The following CA13 variants were observed in gnomAD, a reference collection of about 807,000 sequenced individuals.
CA13 encodes the protein CA-XIII.
A neutral mutation model predicts 31.5 loss-of-function variants in CA13; 21 were observed. The ratio of observed to expected loss-of-function variants is 0.67; its 90% CI spans 0.47 to 0.96. The LOEUF (loss-of-function observed/expected upper bound fraction) is 0.96. CA13 is among the 40% of genes least tolerant of loss of function. The pLI is 0.00. For synonymous variants in CA13, 117 were observed against 111.4 expected, an observed-to-expected ratio of 1.05 and a Z score of -0.32; for missense variants, 315 against 318.9, an observed-to-expected ratio of 0.99 and a Z score of 0.09.
intron 6 of CA13, among the ~76,000 whole-genome samples, chr8:85,269,395 G>C (rs1201340919): frequency 6.6e-6 from 1 of 152,164 alleles, no homozygotes; most frequent in African/African-American, 2.4e-5. Context: ...ATGCTGCAGT[G>C]AGTCAGGATC....
At chr8:85,275,513 G>C (rs1411191592) in intron 6 of CA13, among the ~76,000 whole-genome samples, 4 of 152,140 alleles carry the variant, frequency 2.6e-5, no homozygotes, top group Non-Finnish European at 5.9e-5. Context: ...TCTACAAACA[G>C]GTTTTTTCCT....
chr8:85,267,782 T>C, intron 4 of CA13, 120 bp from the exon 5 acceptor site: 1 of 588,320 alleles, frequency 1.7e-6, no homozygotes, highest in Non-Finnish European at 3.0e-6. Flanking sequence ...GAACAATCAC[T>C]GTATGTTCTG....
rs139055535 is a variant in CA13 at position 85,278,397 on chromosome 8, G to T, written c.670-2833G>T. Reference sequence around the variant, plus strand: ...AAGTATTTTCATTCAGGTGCTTTGGGACCACCCCTCCCAAAACTGGCTTAG... The same window carrying T: ...AAGTATTTTCATTCAGGTGCTTTGGTACCACCCCTCCCAAAACTGGCTTAG... On this transcript the variant is annotated intron_variant, in intron 6 of 6. Transcript: ENST00000321764. 8.5e-5 allele frequency among the ~76,000 whole-genome samples: 13 copies of T among 152,154 alleles called. No individual in the cohort carries two copies. In the East Asian group the frequency reaches 2.5e-3, roughly 29 times the overall value.
At chr8:85,252,837 T>C (rs1179066151) in intron 2 of CA13, among the ~76,000 whole-genome samples, 1 of 152,232 alleles carries the variant, frequency 6.6e-6, no homozygotes, top group Admixed American at 6.5e-5. Flanking sequence ...TTTAGATTAG[T>C]AGTAATATCT....
intron 3 of CA13, among the ~76,000 whole-genome samples, chr8:85,261,558 C>T (rs1483303977): frequency 2.0e-5 from 3 of 151,964 alleles, no homozygotes; most frequent in Non-Finnish European, 4.4e-5. Flanking sequence ...ACCCGAGTAG[C>T]TGGGATTACA....
intron 6 of CA13, among the ~76,000 whole-genome samples, chr8:85,276,322 T>C (rs7826075): frequency 0.024 from 3,646 of 152,236 alleles, 151 homozygotes; most frequent in African/African-American, 0.083. Context: ...CTCCGTGGGC[T>C]CCTGTGCGGC....
intron 6 of CA13, among the ~76,000 whole-genome samples, chr8:85,271,822 A>G (rs961892777): frequency 3.3e-5 from 5 of 152,124 alleles, no homozygotes; most frequent in Non-Finnish European, 5.9e-5. Context: ...TAATCCTAGC[A>G]TTTTGGGAGG....
intron 6 of CA13, among the ~76,000 whole-genome samples, chr8:85,272,698 A>G (rs1807543217): frequency 6.6e-6 from 1 of 152,242 alleles, no homozygotes; most frequent in African/African-American, 2.4e-5. Context: ...ATATATGGAT[A>G]TTAGGAGTAA....
Position 85,283,521 on chromosome 8 carries a change from A to G in CA13, c.*2172A>G, listed in dbSNP as rs1807738656. Reference sequence around the variant, plus strand: ...TAAGTTAATATAACAAGTAAAATACATTGTCTTTTGAAAATAGTTTCTTTT... The same window carrying G: ...TAAGTTAATATAACAAGTAAAATACGTTGTCTTTTGAAAATAGTTTCTTTT... On this transcript the variant is annotated 3_prime_UTR_variant, in exon 7 of 7. Coordinates refer to ENST00000321764, the MANE Select transcript of CA13 (RefSeq NM_198584.3). The G allele has an allele frequency of 6.6e-6, 1 of 152,668 alleles. No individual in the cohort carries two copies. 9.5% of individuals were successfully genotyped at this position (152,668 alleles called of 1,614,324 possible). A position where few individuals can be genotyped will look rare whatever the true frequency, so the allele number is the denominator to read the frequency against.
chr8:85,264,401 C>A (rs1807427162), intron 3 of CA13, among the ~76,000 whole-genome samples: 1 of 151,928 alleles, frequency 6.6e-6, no homozygotes, highest in Admixed American at 6.6e-5. Flanking sequence ...CAGTTCAAAT[C>A]ACTGCTCTTG....
At chr8:85,266,431 G>A (rs981484410) in intron 3 of CA13, among the ~76,000 whole-genome samples, 177 bp from the exon 4 acceptor site, 15 of 152,184 alleles carry the variant, frequency 9.9e-5, no homozygotes, top group Non-Finnish European at 1.5e-4. Flanking sequence ...ATCCTTCACT[G>A]CATGAACTTT....
chr8:85,254,234 T>C (rs1807245560), intron 2 of CA13, among the ~76,000 whole-genome samples: 1 of 149,474 alleles, frequency 6.7e-6, no homozygotes, highest in Non-Finnish European at 1.5e-5. Context: ...GCCAAGATCA[T>C]GCCACTGCAC....
intron 3 of CA13, among the ~76,000 whole-genome samples, chr8:85,264,794 C>G (rs1469356442): frequency 6.6e-6 from 1 of 152,230 alleles, no homozygotes; most frequent in African/African-American, 2.4e-5. Flanking sequence ...ACATCCTTAT[C>G]AGCCCTTCCC....
At chr8:85,250,999 CT>C in intron 2 of CA13, 62 bp downstream of exon 2, 1 of 903,640 alleles carries the variant, frequency 1.1e-6, no homozygotes, top group Non-Finnish European at 1.6e-6. Flanking sequence ...TTAGACTATA[CT>C]CTTTTTTTTT....
intron 6 of CA13, among the ~76,000 whole-genome samples, chr8:85,271,767 TA>T (rs2129994702): frequency 1.3e-5 from 2 of 152,306 alleles, no homozygotes; most frequent in South Asian, 4.1e-4. Flanking sequence ...CTACAACTAC[TA>T]CAATCAAGAT....
chr8:85,275,414 C>T (rs1051138330), intron 6 of CA13, among the ~76,000 whole-genome samples: 2 of 152,142 alleles, frequency 1.3e-5, no homozygotes, highest in Non-Finnish European at 2.9e-5. Context: ...ATGTCTATCC[C>T]CTACCATGGC....
Position 85,268,502 on chromosome 8 carries a change from C to A in CA13, c.544C>A (p.Leu182Ile), listed in dbSNP as rs763944998. Residue 182 changes from leucine to isoleucine, a missense_variant, in exon 6 of 7, where the codon CTA (leucine) becomes ATA (isoleucine). Leu to Ile is a conservative substitution (Grantham distance 5, BLOSUM62 2). Coordinates refer to ENST00000321764, the MANE Select transcript of CA13 (RefSeq NM_198584.3). ...GKQTRFTNFD[L>I]LSLLPPSWDY... ...ACAAACTCGATTCACAAATTTTGAC[C>A]TATTGTCTCTGCTTCCACCATCCTG... is the stretch of plus-strand genomic sequence containing the variant. 2 of 1,614,038 alleles carry A rather than the reference C, an allele frequency of 1.2e-6. No homozygotes were observed. The highest frequency in any genetic ancestry group is 2.2e-5 in the East Asian group (1 of 44,870).
At chr8:85,276,268 G>A (rs926478643) in intron 6 of CA13, among the ~76,000 whole-genome samples, 8 of 152,294 alleles carry the variant, frequency 5.3e-5, no homozygotes, top group Admixed American at 2.6e-4. Flanking sequence ...CCCCGGGGCA[G>A]GGCTCGGGAC....
chr8:85,281,337 C>A lies in CA13; in HGVS notation c.777C>A (p.Ala259=), dbSNP rs759361507. The A allele has an allele frequency of 1.9e-6, 3 of 1,613,868 alleles. No individual in the cohort carries two copies. The Admixed American group carries it at 5.0e-5, about 27-fold the overall frequency. Residue 259 remains alanine (A), a synonymous_variant, in exon 7 of 7, where the codon GCC becomes GCA. Coordinates refer to ENST00000321764, the MANE Select transcript of CA13 (RefSeq NM_198584.3). ...CTCTAAAGGGCCGCAAAGTGAGAGC[C>A]TCTTTCCATTAAAAATTGTCACCAA... ...PQPLKGRKVR[A]SFH is the part of the protein sequence containing the mutation.
Sources: gnomAD v4.1 joint callset for allele counts (sites outside exome capture counted in the v4.1 genomes callset) on GRCh38, gnomAD v4.1.1 for gene constraint, MANE v1.5 for transcripts, NCBI Gene and HGNC (gene_info 2026-07-23, HGNC 2026-07-21) for gene names.